PCNT: variants seen among roughly 807,000 people sequenced by gnomAD.
PCNT encodes the protein pericentrin.
In PCNT, 319 loss-of-function variants were observed where a neutral mutation model predicts 380.4. The ratio of observed to expected loss-of-function variants is 0.84; its 90% CI spans 0.77 to 0.92. PCNT has a LOEUF of 0.92. Ranked by LOEUF, PCNT falls within the 40% of genes least tolerant of loss-of-function variation. PCNT has a pLI of 0.00. For missense variants in PCNT, 4,400 were observed against 4,255.3 expected, an observed-to-expected ratio of 1.03 and a Z score of -0.95; for synonymous variants, 1,845 against 1,735.2, an observed-to-expected ratio of 1.06 and a Z score of -1.57.
rs1265889587 is a variant in PCNT, at chr21:46,351,997, C to T, written c.1456+457C>T. On this transcript the variant is annotated intron_variant, in intron 9 of 46. Coordinates refer to ENST00000359568, the MANE Select transcript of PCNT (RefSeq NM_006031.6). ...AAGGCAGCTCTGCTCCAGGTGTCCCCTTATAGCTGAGCACCTCTGGAGACC... is the reference window on the plus strand; with the variant it reads ...AAGGCAGCTCTGCTCCAGGTGTCCCTTTATAGCTGAGCACCTCTGGAGACC... Among the ~76,000 whole-genome samples, 3 of 152,242 alleles carry T rather than the reference C, an allele frequency of 2.0e-5. No individual in the cohort carries two copies. In the East Asian group the frequency reaches 5.8e-4, roughly 29 times the overall value.
intron 21 of PCNT, among the ~76,000 whole-genome samples, chr21:46,393,122 C>G (rs2086089018): frequency 6.6e-6 from 1 of 152,180 alleles, no homozygotes; most frequent in South Asian, 2.1e-4. Context: ...GCGTCATCTC[C>G]CCACGGGCCT....
intron 2 of PCNT, among the ~76,000 whole-genome samples, chr21:46,329,420 G>A (rs758597154): frequency 1.1e-4 from 16 of 152,126 alleles, no homozygotes; most frequent in Non-Finnish European, 1.9e-4. Flanking sequence ...TGGTTTTTTC[G>A]TTGTTATGGT....
chr21:46,404,688 G>A (rs758654867), intron 27 of PCNT, among the ~76,000 whole-genome samples: 6 of 152,062 alleles, frequency 3.9e-5, no homozygotes, highest in East Asian at 1.9e-4. Flanking sequence ...TGGCTCAAAC[G>A]CCTGTATTCT....
In PCNT at chr21:46,324,304, TCTAG is replaced by T. The variant is rs763950742; in HGVS notation, c.54+25_54+28del. 1.0e-5 allele frequency: 16 copies of T among 1,588,210 alleles called. 1 individual carries two copies. In the Admixed American group the frequency reaches 2.8e-4, roughly 27 times the overall value. ...GAAGGTAAACATTAGGGGCTTCTTC[TCTAG>T]CTGCTCTGGCGTGAAGTCCTAAGGG... On this transcript the variant is annotated intron_variant, in intron 1 of 46. Coordinates refer to ENST00000359568, the MANE Select transcript of PCNT (RefSeq NM_006031.6).
At chr21:46,327,384 G>C (rs1293746720) in intron 2 of PCNT, among the ~76,000 whole-genome samples, 1 of 133,576 alleles carries the variant, frequency 7.5e-6, no homozygotes, top group Non-Finnish European at 1.7e-5. Context: ...AATAAATTTG[G>C]GTTTTCTTTT....
rs188889473 is a variant in PCNT at position 46,436,105 on chromosome 21, G to A, written c.8953G>A (p.Ala2985Thr). 1.2e-6 allele frequency: 2 copies of A among 1,610,858 alleles called. No homozygotes were observed. The highest frequency in any genetic ancestry group is 2.2e-5 in the South Asian group (2 of 91,074). The change falls in exon 39 of 47, where the codon GCC (alanine) becomes ACC (threonine). Residue 2985 changes from alanine to threonine, a missense_variant. Transcript: ENST00000359568. Reference sequence around the variant, plus strand: ...GGCGATGAGGCAGCGGCTGCTCTCTGCCGCCCGGCTTCTCACCAGCTTCAC... The same window carrying A: ...GGCGATGAGGCAGCGGCTGCTCTCTACCGCCCGGCTTCTCACCAGCTTCAC... ...LEAMRQRLLS[A>T]ARLLTSFTSQ...
At position 46,425,848 on chromosome 21, in the gene PCNT, G is replaced by A. The variant is rs765469486; in HGVS notation, c.7197G>A (p.Val2399=). The A allele has an allele frequency of 2.5e-6, 4 of 1,613,698 alleles. No homozygotes were observed. Among genetic ancestry groups the A allele is most frequent in the Non-Finnish European group, 3.4e-6 (4 of 1,180,016 alleles). The change falls in exon 33 of 47, where the codon GTG becomes GTA. Residue 2399 remains valine (V), a synonymous_variant. Transcript: ENST00000359568. The surrounding 1 kb of genome is among the most constrained non-coding windows in gnomAD (Gnocchi z 4.2). ...PKHVKALLQM[V]RDESHQILAL... is the part of the protein sequence containing the mutation. ...CGCCACAGGCTTTACTGCAGATGGT[G>A]CGTGACGAGAGCCACCAGATCCTGG...
At chr21:46,428,348 G>A (rs1326883532) in intron 34 of PCNT, 47 bp from the exon 35 acceptor site, 1 of 1,551,600 alleles carries the variant, frequency 6.4e-7, no homozygotes, top group Non-Finnish European at 8.8e-7. Flanking sequence ...GCCGGGGCAT[G>A]GGGTGGCTGC....
chr21:46,436,525 C>G lies in PCNT; in HGVS notation c.8996+377C>G, dbSNP rs758825314. On this transcript the variant is annotated intron_variant, in intron 39 of 46. Coordinates refer to ENST00000359568, the MANE Select transcript of PCNT (RefSeq NM_006031.6). The stretch of plus-strand genomic sequence containing the variant: ...CCAGTGTCACTCAAGGCCACTCACA[C>G]CCAGGATGACGATCGTGATATTTCA... 6.7e-4 allele frequency among the ~76,000 whole-genome samples: 98 copies of G among 145,750 alleles called. 1 individual carries two copies. The highest frequency in any genetic ancestry group is 1.2e-3 in the Non-Finnish European group (79 of 66,686).
rs559050447 is a variant in PCNT at position 46,406,866 on chromosome 21, T to C, written c.5116-4323T>C. On this transcript the variant is annotated intron_variant, in intron 27 of 46. Transcript: ENST00000359568. Reference sequence around the variant, plus strand: ...TAACTTTATTGAGTGATTTATTTCTTGGAGATTAAACTAACCTTGCGGTTC... The same window carrying C: ...TAACTTTATTGAGTGATTTATTTCTCGGAGATTAAACTAACCTTGCGGTTC... Among the ~76,000 whole-genome samples, 5 of 152,380 alleles carry C rather than the reference T, an allele frequency of 3.3e-5. No individual in the cohort carries two copies. The South Asian group carries it at 1.0e-3, about 32-fold the overall frequency.
At position 46,381,611 on chromosome 21, in the gene PCNT, C is replaced by T. The variant is rs2085544013; in HGVS notation, c.3166-83C>T. On this transcript the variant is annotated intron_variant, in intron 15 of 46. Transcript: ENST00000359568. ...AGAGTGGGGGCTCCATGCATATCTG[C>T]TGAATGTGCTGAATTCCGGCTAACA... is the stretch of plus-strand genomic sequence containing the variant. 25 of 1,305,544 alleles carry T rather than the reference C, an allele frequency of 1.9e-5. 1 individual carries two copies. The South Asian group carries it at 2.4e-4, about 12-fold the overall frequency. The allele number at this position is 1,305,544 out of a possible 1,614,324, so 80.9% of individuals were successfully genotyped here.
intron 13 of PCNT, among the ~76,000 whole-genome samples, chr21:46,362,013 A>G (rs986208394): frequency 4.0e-5 from 6 of 151,828 alleles, no homozygotes; most frequent in African/African-American, 1.5e-4. Context: ...AGATTTGGAG[A>G]CTTTGGGTTC....
chr21:46,444,672 TG>T, intron 45 of PCNT, 21 bp from the exon 46 acceptor site: 1 of 1,587,824 alleles, frequency 6.3e-7, no homozygotes. Flanking sequence ...TTTCTTCTCT[TG>T]GTGTGGTAAT....
chr21:46,371,992 T>C (rs111213158), intron 15 of PCNT, among the ~76,000 whole-genome samples: 2,223 of 147,364 alleles, frequency 0.015, 48 homozygotes, highest in African/African-American at 0.053. Flanking sequence ...ATGCAGCACA[T>C]GCACACACAC....
At chr21:46,336,486 G>C (rs1389658232) in intron 3 of PCNT, among the ~76,000 whole-genome samples, 1 of 152,186 alleles carries the variant, frequency 6.6e-6, no homozygotes, top group Non-Finnish European at 1.5e-5. Flanking sequence ...AGTTGTTGCA[G>C]CTCTGTCCGT....
chr21:46,416,900 C>T, intron 30 of PCNT, 61 bp downstream of exon 30: 1 of 1,531,638 alleles, frequency 6.5e-7, no homozygotes, highest in South Asian at 1.2e-5. Flanking sequence ...TGCCCGGCGC[C>T]ACGGCAGCTG....
intron 29 of PCNT, 79 bp downstream of exon 29, chr21:46,413,071 GCA>G (rs2086849150): frequency 1.3e-6 from 1 of 742,078 alleles, no homozygotes; most frequent in Non-Finnish European, 2.3e-6. Context: ...AGCGGGGAAG[GCA>G]CGAGGCCCAC....
Position 46,398,116 on chromosome 21 carries a change from C to T in PCNT, c.4549C>T (p.Pro1517Ser). ...GGCGGCCAAGCCGCAGCCCTGGGGC[C>T]CTCGCGACAGCCAGGTGAGTCAGTG... ...RQAAKPQPWG[P>S]RDSQQAPLDG... The change falls in exon 23 of 47, where the codon CCT becomes TCT. Residue 1517 changes from proline to serine, a missense_variant. Transcript: ENST00000359568. The T allele has an allele frequency of 6.2e-7, 1 of 1,605,666 alleles. No individual in the cohort carries two copies. The highest frequency in any genetic ancestry group is 8.5e-7 in the Non-Finnish European group (1 of 1,176,950).
rs774899094 is a variant in PCNT at position 46,334,498 on chromosome 21, T to A, written c.369T>A (p.Ser123Arg). Residue 123 changes from serine to arginine, a missense_variant, in exon 3 of 47, where the codon AGT becomes AGA. Transcript: ENST00000359568. ...PPEQCGMFTVSDHPPEQHGMF... is the reference protein window; with the variant it reads ...PPEQCGMFTVRDHPPEQHGMF... ...AGCAGTGTGGGATGTTCACAGTCAGTGACCACCCACCAGAACAGCATGGGA... is the reference window on the plus strand; with the variant it reads ...AGCAGTGTGGGATGTTCACAGTCAGAGACCACCCACCAGAACAGCATGGGA... 2.5e-6 allele frequency: 4 copies of A among 1,609,972 alleles called. No homozygotes were observed. Among genetic ancestry groups the A allele is most frequent in the African/African-American group, 1.3e-5 (1 of 74,760 alleles).
Sources: gnomAD v4.1 joint callset for allele counts (sites outside exome capture counted in the v4.1 genomes callset) on GRCh38, gnomAD v4.1.1 for gene constraint, Gnocchi (gnomAD v3.1) non-coding constraint, MANE v1.5 for transcripts, NCBI Gene and HGNC (gene_info 2026-07-23, HGNC 2026-07-21) for gene names.